The following FLT1 variants were observed in gnomAD, a reference collection of about 807,000 sequenced individuals.
FLT1 encodes vascular endothelial growth factor receptor 1.
In FLT1, 49 loss-of-function variants were observed where a neutral mutation model predicts 156.3. The ratio of observed to expected loss-of-function variants is 0.31; its 90% CI spans 0.25 to 0.40. The LOEUF is 0.40. Ranked by LOEUF, FLT1 falls within the 10% of genes least tolerant of loss-of-function variation. The pLI is 1.00. For synonymous variants in FLT1, 594 were observed against 583.8 expected, an observed-to-expected ratio of 1.02 and a Z score of -0.25; for missense variants, 1,322 against 1,637.2, an observed-to-expected ratio of 0.81 and a Z score of 3.32.
In FLT1 at chr13:28,372,587, T is replaced by C. The variant is rs1488221348; in HGVS notation, c.2116+12298A>G. On this transcript the variant is annotated intron_variant, in intron 14 of 29. Coordinates refer to ENST00000282397, the MANE Select transcript of FLT1 (RefSeq NM_002019.4). ...AAATGTATATATATATATATATATA[T>C]ATATATATATATATAGCTGGGTGCA... 2.1e-4 allele frequency among the ~76,000 whole-genome samples: 28 copies of C among 133,438 alleles called. 3 individuals carry two copies. The highest frequency in any genetic ancestry group is 2.0e-3 in the Admixed American group (25 of 12,730). 87.5% of individuals were successfully genotyped at this position (133,438 alleles called of 152,430 possible).
At chr13:28,313,270 C>T (rs529597179) in intron 25 of FLT1, among the ~76,000 whole-genome samples, 10 of 152,266 alleles carry the variant, frequency 6.6e-5, no homozygotes, top group African/African-American at 1.2e-4. Flanking sequence ...TGAGCCACTG[C>T]GCCCGGCCTC....
Position 28,445,885 on chromosome 13 carries a change from G to A in FLT1, c.389-7540C>T, listed in dbSNP as rs573526995. Among the ~76,000 whole-genome samples the A allele has an allele frequency of 2.2e-4, 34 of 152,102 alleles. No individual in the cohort carries two copies. In the South Asian group the frequency reaches 2.3e-3, roughly 10 times the overall value. On this transcript the variant is annotated intron_variant, in intron 3 of 29. Transcript: ENST00000282397. ...AAAATGACAAACCAATATCTATTAC[G>A]AATATAGCTGCAAAAAACTCAATAA...
rs1211283066 is a variant in FLT1 at position 28,303,373 on chromosome 13, AGAAAGAAAG to A, written c.3816-14_3816-6del. On this transcript the variant is annotated splice_polypyrimidine_tract_variant and splice_region_variant and intron_variant, in intron 29 of 29. Coordinates refer to ENST00000282397, the MANE Select transcript of FLT1 (RefSeq NM_002019.4). Reference sequence around the variant, plus strand: ...CTTTTACTGGTTACTCTCAAGCTAAAGAAAGAAAGGAAAGAAATCAAATATTCAAAATTG... The same window carrying A: ...CTTTTACTGGTTACTCTCAAGCTAAAGAAAGAAATCAAATATTCAAAATTG... The A allele has an allele frequency of 6.2e-7, 1 of 1,612,754 alleles. No homozygotes were observed. Among genetic ancestry groups the A allele is most frequent in the Non-Finnish European group, 8.5e-7 (1 of 1,179,042 alleles).
intron 3 of FLT1, among the ~76,000 whole-genome samples, chr13:28,441,837 T>C (rs1329006766): frequency 1.3e-5 from 2 of 152,196 alleles, no homozygotes; most frequent in Non-Finnish European, 2.9e-5. Flanking sequence ...TTGTTGTTCT[T>C]ATTTACCTTC....
At chr13:28,429,205 C>A (rs1412701964) in intron 8 of FLT1, among the ~76,000 whole-genome samples, 1 of 152,152 alleles carries the variant, frequency 6.6e-6, no homozygotes, top group African/African-American at 2.4e-5. Flanking sequence ...AAAATTTTCT[C>A]TTTAATTCCC....
At chr13:28,438,999 A>G (rs1012889251) in intron 3 of FLT1, among the ~76,000 whole-genome samples, 2 of 152,194 alleles carry the variant, frequency 1.3e-5, no homozygotes, top group Non-Finnish European at 2.9e-5. Context: ...AGTATGCGCT[A>G]CTTACCTGCT....
At chr13:28,309,175 G>A (rs904443938) in intron 27 of FLT1, among the ~76,000 whole-genome samples, 5 of 152,154 alleles carry the variant, frequency 3.3e-5, no homozygotes, top group Non-Finnish European at 5.9e-5. Flanking sequence ...ACTCTGGTCC[G>A]TTGTGAAATC....
intron 10 of FLT1, among the ~76,000 whole-genome samples, chr13:28,414,290 C>A (rs978698430): frequency 6.6e-6 from 1 of 152,196 alleles, no homozygotes; most frequent in African/African-American, 2.4e-5. Flanking sequence ...GGCCGTAACT[C>A]CATACTAGTC....
chr13:28,453,930 G>A (rs895991626), intron 3 of FLT1, among the ~76,000 whole-genome samples: 1 of 152,104 alleles, frequency 6.6e-6, no homozygotes, highest in African/African-American at 2.4e-5. Flanking sequence ...GTCAGTAGGA[G>A]CACCATCCCG....
At chr13:28,431,420 T>C (rs953956289) in intron 6 of FLT1, 110 bp from the exon 7 acceptor site, 1 of 790,462 alleles carries the variant, frequency 1.3e-6, no homozygotes, top group African/African-American at 1.7e-5. Context: ...TTCTGTTTTA[T>C]ACTAAGAATC....
At chr13:28,333,202 G>A (rs1871993981) in intron 18 of FLT1, among the ~76,000 whole-genome samples, 1 of 152,176 alleles carries the variant, frequency 6.6e-6, no homozygotes, top group African/African-American at 2.4e-5. Flanking sequence ...CCGTGTAGTT[G>A]GACTCACAGC....
At position 28,322,455 on chromosome 13, in the gene FLT1, C is replaced by T; in HGVS notation, c.2954-96G>A. 1.2e-6 allele frequency: 1 copy of T among 851,072 alleles called. No homozygotes were observed. The highest frequency in any genetic ancestry group is 2.0e-6 in the Non-Finnish European group (1 of 504,176). 52.7% of individuals were successfully genotyped at this position (851,072 alleles called of 1,614,324 possible). A position where few individuals can be genotyped will look rare whatever the true frequency, so the allele number is the denominator to read the frequency against. On this transcript the variant is annotated intron_variant, in intron 21 of 29. Transcript: ENST00000282397. The surrounding 1 kb of genome is among the most constrained non-coding windows in gnomAD (Gnocchi z 4.3). ...CAATGTTAGCAAAACATAAAACAAA[C>T]CAACAAGTAGATCAGAGTTCATTTT...
chr13:28,386,216 G>A (rs1874352022), intron 13 of FLT1: 4 of 1,053,894 alleles, frequency 3.8e-6, no homozygotes, highest in Non-Finnish European at 3.4e-6. Flanking sequence ...TGTCCCTGCA[G>A]GGTTCTGCCA....
intron 25 of FLT1, among the ~76,000 whole-genome samples, chr13:28,315,933 A>C (rs368835135): frequency 2.6e-5 from 4 of 152,196 alleles, no homozygotes; most frequent in African/African-American, 9.6e-5. Context: ...TCTCAGTTTC[A>C]TTACTTGCTA....
At chr13:28,364,590 T>A (rs977934955) in intron 14 of FLT1, among the ~76,000 whole-genome samples, 17 of 152,212 alleles carry the variant, frequency 1.1e-4, no homozygotes, top group Admixed American at 6.5e-5. Flanking sequence ...AGATTTTCTT[T>A]TGGGGAGGGG....
chr13:28,458,674 G>A (rs1021676424), intron 3 of FLT1, among the ~76,000 whole-genome samples: 6 of 152,240 alleles, frequency 3.9e-5, no homozygotes, highest in Admixed American at 3.3e-4. Flanking sequence ...CTCCCTTAGT[G>A]TTTAATGACA....
chr13:28,449,720 T>C (rs1332656509), intron 3 of FLT1, among the ~76,000 whole-genome samples: 1 of 152,222 alleles, frequency 6.6e-6, no homozygotes, highest in East Asian at 1.9e-4. Context: ...AAATGTATTA[T>C]TTGTGTGGTA....
At chr13:28,374,701 G>A (rs1367470543) in intron 14 of FLT1, among the ~76,000 whole-genome samples, 1 of 151,904 alleles carries the variant, frequency 6.6e-6, no homozygotes, top group Non-Finnish European at 1.5e-5. Flanking sequence ...TTTTAGTAGA[G>A]ACAGGGTTTC....
intron 1 of FLT1, among the ~76,000 whole-genome samples, chr13:28,475,029 G>GA (rs1359386638): frequency 1.6e-4 from 25 of 152,256 alleles, no homozygotes. Flanking sequence ...TAAAACTTTA[G>GA]AAGGCTGATT....
Sources: allele counts gnomAD v4.1 joint callset (sites outside exome capture counted in the v4.1 genomes callset), GRCh38; gene constraint gnomAD v4.1.1; non-coding constraint Gnocchi (gnomAD v3.1); transcripts MANE v1.5; gene names NCBI Gene and HGNC (gene_info 2026-07-23, HGNC 2026-07-21).